EPHB1: variants seen among roughly 807,000 people sequenced by gnomAD.
EPHB1 encodes the protein EPH receptor B1.
In EPHB1, 30 loss-of-function variants were observed where a neutral mutation model predicts 94.4. The ratio of observed to expected loss-of-function variants is 0.32; its 90% CI spans 0.24 to 0.43. The LOEUF (loss-of-function observed/expected upper bound fraction) is 0.43, where lower values mean the gene tolerates loss of function less well. Ranked by LOEUF, EPHB1 falls within the 20% of genes least tolerant of loss-of-function variation. EPHB1 has a pLI of 1.00. For missense variants in EPHB1, 1,055 were observed against 1,308.3 expected (o/e 0.81, Z 2.99); for synonymous variants, 522 against 489.1 (o/e 1.07, Z -0.89).
chr3:134,815,036 G>A (rs2036243518), intron 1 of EPHB1, among the ~76,000 whole-genome samples: 1 of 152,150 alleles, frequency 6.6e-6, no homozygotes. Context: ...AGCTTATTTT[G>A]AGCAATTTTT....
At chr3:135,248,261 G>GTGAC in intron 13 of EPHB1, 55 bp from the exon 14 acceptor site, 2 of 1,465,842 alleles carry the variant, frequency 1.4e-6, no homozygotes, top group East Asian at 4.7e-5. Context: ...TAATTTGTGA[G>GTGAC]TGACTGGCTG....
chr3:135,027,623 T>C (rs1269844274), intron 3 of EPHB1, among the ~76,000 whole-genome samples: 2 of 151,714 alleles, frequency 1.3e-5, no homozygotes, highest in Non-Finnish European at 2.9e-5. Flanking sequence ...TTGCCAGTAT[T>C]TTATTGAGGA....
chr3:135,248,539 T>G, intron 14 of EPHB1, 30 bp downstream of exon 14: 1 of 1,532,210 alleles, frequency 6.5e-7, no homozygotes, highest in Non-Finnish European at 8.9e-7. Flanking sequence ...GATCCCTAAA[T>G]ATGGCTGGTT....
intron 12 of EPHB1, among the ~76,000 whole-genome samples, chr3:135,203,409 A>G (rs1036513350): frequency 6.6e-5 from 10 of 152,228 alleles, no homozygotes; most frequent in Admixed American, 2.0e-4. Flanking sequence ...AACTTAAAGT[A>G]AAATTTAAAA....
chr3:135,024,164 C>T (rs1005705287), intron 3 of EPHB1, among the ~76,000 whole-genome samples: 2 of 152,152 alleles, frequency 1.3e-5, no homozygotes, highest in East Asian at 1.9e-4. Context: ...ATTCTGAAAC[C>T]AGGCAGTGAT....
Position 135,249,446 on chromosome 3 carries a change from C to T in EPHB1, c.2801C>T (p.Thr934Ile). Reference sequence around the variant, plus strand: ...GTCCAGTACAGGGACAGCTTCCTCACTGCTGGCTTCACCTCCCTCCAGCTG... The same window carrying T: ...GTCCAGTACAGGGACAGCTTCCTCATTGCTGGCTTCACCTCCCTCCAGCTG... ...KMVQYRDSFL[T>I]AGFTSLQLVT... Residue 934 changes from threonine (T) to isoleucine (I), a missense_variant, in exon 15 of 16, where the codon ACT becomes ATT. Thr to Ile is a moderately conservative substitution (Grantham distance 89). Transcript: ENST00000398015. 4 of 1,614,014 alleles carry T rather than the reference C, an allele frequency of 2.5e-6. No individual in the cohort carries two copies. The highest frequency in any genetic ancestry group is 1.1e-5 in the South Asian group (1 of 91,088).
intron 2 of EPHB1, among the ~76,000 whole-genome samples, chr3:134,948,847 AG>A (rs374779572): frequency 6.6e-6 from 1 of 152,234 alleles, no homozygotes; most frequent in African/African-American, 2.4e-5. Context: ...TGTTGCGTGG[AG>A]GATGGACTAA....
intron 3 of EPHB1, among the ~76,000 whole-genome samples, chr3:135,032,551 C>T (rs1299110861): frequency 6.6e-6 from 1 of 152,070 alleles, no homozygotes; most frequent in Non-Finnish European, 1.5e-5. Context: ...AAAATTGTAT[C>T]TGAGCACCCA....
chr3:134,879,482 CAAAAA>C (rs1177214449), intron 1 of EPHB1, among the ~76,000 whole-genome samples: 1 of 151,710 alleles, frequency 6.6e-6, no homozygotes, highest in African/African-American at 2.4e-5. Flanking sequence ...ACTAAAAATA[CAAAAA>C]AATAAAATAA....
At chr3:134,948,458 T>C (rs2039256898) in intron 2 of EPHB1, among the ~76,000 whole-genome samples, 1 of 151,476 alleles carries the variant, frequency 6.6e-6, no homozygotes, top group African/African-American at 2.4e-5. Context: ...GACTTCTCCA[T>C]GGCTGAAAAA....
intron 3 of EPHB1, among the ~76,000 whole-genome samples, chr3:134,995,448 A>G (rs984494142): frequency 6.6e-6 from 1 of 152,234 alleles, no homozygotes; most frequent in Non-Finnish European, 1.5e-5. Flanking sequence ...TGAAGCTGCT[A>G]TAACATTCAT....
intron 12 of EPHB1, among the ~76,000 whole-genome samples, chr3:135,236,619 C>T (rs557547360): frequency 3.7e-4 from 56 of 152,266 alleles, no homozygotes; most frequent in Non-Finnish European, 5.6e-4. Flanking sequence ...GCAGGCATTA[C>T]GAAATTCAGA....
chr3:135,210,380 G>A (rs991890406), intron 12 of EPHB1, among the ~76,000 whole-genome samples: 1 of 152,218 alleles, frequency 6.6e-6, no homozygotes, highest in Non-Finnish European at 1.5e-5. Flanking sequence ...TTGGGGCATA[G>A]AGGAGAAGTC....
intron 9 of EPHB1, among the ~76,000 whole-genome samples, chr3:135,178,458 C>CAAAA (rs57207495): frequency 1.0e-5 from 1 of 98,814 alleles, no homozygotes; most frequent in East Asian, 2.9e-4. Flanking sequence ...AAGACTGTCT[C>CAAAA]AAAAAAAAAA....
chr3:135,231,831 C>G (rs1205555955), intron 12 of EPHB1, among the ~76,000 whole-genome samples: 1 of 152,214 alleles, frequency 6.6e-6, no homozygotes, highest in African/African-American at 2.4e-5. Flanking sequence ...TCTCCAAAAG[C>G]TCACCTGTTC....
intron 3 of EPHB1, among the ~76,000 whole-genome samples, chr3:135,085,690 G>C (rs1938337056): frequency 6.6e-6 from 1 of 152,180 alleles, no homozygotes. Flanking sequence ...CACACACAAA[G>C]CTCACAGCCA....
intron 4 of EPHB1, among the ~76,000 whole-genome samples, chr3:135,111,593 G>C (rs149019301): frequency 2.0e-5 from 3 of 152,126 alleles, no homozygotes; most frequent in Admixed American, 6.5e-5. Context: ...ATGTACGAGC[G>C]CATCTGTGTT....
intron 12 of EPHB1, among the ~76,000 whole-genome samples, chr3:135,213,421 T>C (rs868182974): frequency 6.6e-6 from 1 of 152,234 alleles, no homozygotes; most frequent in African/African-American, 2.4e-5. Flanking sequence ...TGAATGTCGT[T>C]ATGTGTGTTC....
At chr3:135,052,884 AAAAAAAAT>A (rs1559810832) in intron 3 of EPHB1, among the ~76,000 whole-genome samples, 1 of 108,302 alleles carries the variant, frequency 9.2e-6, no homozygotes, top group African/African-American at 5.1e-5. Flanking sequence ...AAAAAAAAAA[AAAAAAAAT>A]ATATATATAT....
Sources: allele counts gnomAD v4.1 joint callset (sites outside exome capture counted in the v4.1 genomes callset), GRCh38; gene constraint gnomAD v4.1.1; transcripts MANE v1.5; gene names NCBI Gene and HGNC (gene_info 2026-07-23, HGNC 2026-07-21).